Variants in EGF observed in about 807,000 individuals in gnomAD.
EGF encodes the protein pro-epidermal growth factor.
Under a neutral mutation model 143.8 loss-of-function variants are expected in EGF, and 95 were observed. The ratio of observed to expected loss-of-function variants is 0.66; its 90% CI spans 0.56 to 0.78. The LOEUF is 0.78. Ranked by LOEUF, EGF falls within the 30% of genes least tolerant of loss-of-function variation. The probability of loss-of-function intolerance (pLI) is 0.00; values close to 1 mark genes in which losing one functional copy is unlikely to be tolerated. For missense variants in EGF, 1,320 were observed against 1,470.9 expected (o/e 0.90, Z 1.68); for synonymous variants, 510 against 510.5 (o/e 1.00, Z 0.01).
intron 3 of EGF, among the ~76,000 whole-genome samples, 196 bp from the exon 4 acceptor site, chr4:109,943,646 C>CT (rs781292833): frequency 3.3e-5 from 5 of 152,104 alleles, no homozygotes; most frequent in Non-Finnish European, 2.9e-5. Flanking sequence ...TGGTTTTCTG[C>CT]TATAGAGGCA....
At chr4:109,988,734 G>A (rs773819760) in intron 18 of EGF, 25 bp downstream of exon 18, 4 of 1,613,204 alleles carry the variant, frequency 2.5e-6, no homozygotes, top group Non-Finnish European at 3.4e-6. Context: ...GTGCTGGGGA[G>A]GAGGGCAGAG....
intron 21 of EGF, among the ~76,000 whole-genome samples, chr4:110,002,803 G>C (rs949592952): frequency 6.6e-6 from 1 of 152,070 alleles, no homozygotes; most frequent in Non-Finnish European, 1.5e-5. Flanking sequence ...TTCTGCTCCT[G>C]TTCCTCCTCC....
At chr4:109,976,555 C>T (rs1161059051) in intron 13 of EGF, among the ~76,000 whole-genome samples, 1 of 152,158 alleles carries the variant, frequency 6.6e-6, no homozygotes, top group Non-Finnish European at 1.5e-5. Flanking sequence ...AGTTGTTTCA[C>T]AACAGTGATA....
chr4:109,963,342 T>A (rs556603989), intron 9 of EGF, 44 bp downstream of exon 9: 7 of 1,613,300 alleles, frequency 4.3e-6, no homozygotes, highest in Non-Finnish European at 5.9e-6. Flanking sequence ...GAAAAAAAAT[T>A]CATGAAAATC....
intron 1 of EGF, among the ~76,000 whole-genome samples, chr4:109,928,258 A>G (rs1388030446): frequency 3.3e-5 from 5 of 152,240 alleles, no homozygotes; most frequent in Non-Finnish European, 5.9e-5. Flanking sequence ...ATAAACATCA[A>G]TCAATACATG....
At position 109,980,095 on chromosome 4, in the gene EGF, T is replaced by TG. The variant is rs1161774369; in HGVS notation, c.2178dup (p.Lys727GlufsTer27). On this transcript the variant is annotated frameshift_variant, in exon 14 of 24. Coordinates refer to ENST00000265171, the MANE Select transcript of EGF (RefSeq NM_001963.6). LOFTEE classifies it high-confidence loss of function. The stretch of plus-strand genomic sequence containing the variant: ...AGAGTACGTCTCCAAGGCAGCATGC[T>TG]GAAGCCCTCATCACTGGTTGTGGTT... The TG allele has an allele frequency of 6.2e-7, 1 of 1,613,572 alleles. No homozygotes were observed. Among genetic ancestry groups the TG allele is most frequent in the African/African-American group, 1.3e-5 (1 of 75,038 alleles).
At chr4:109,926,843 G>A (rs1738763210) in intron 1 of EGF, among the ~76,000 whole-genome samples, 1 of 152,180 alleles carries the variant, frequency 6.6e-6, no homozygotes, top group African/African-American at 2.4e-5. Context: ...CTAATTATAA[G>A]AAATTTGTGT....
intron 15 of EGF, among the ~76,000 whole-genome samples, chr4:109,981,746 C>T (rs1749395796): frequency 6.6e-6 from 1 of 152,080 alleles, no homozygotes; most frequent in Non-Finnish European, 1.5e-5. Context: ...AGTTTCAGCT[C>T]ACAATTCAAA....
chr4:109,957,377 A>G (rs1744960929), intron 5 of EGF, among the ~76,000 whole-genome samples: 1 of 152,248 alleles, frequency 6.6e-6, no homozygotes, highest in Admixed American at 6.5e-5. Context: ...TTACGAGGAA[A>G]GTAACCTGAA....
chr4:109,961,226 C>T lies in EGF; in HGVS notation c.1189+237C>T, dbSNP rs547448579. Reference sequence around the variant, plus strand: ...AAAAACTTAGCCAGGCATGTTGGCCCATGCCAGTGGTCCCAGCTACTGAGG... The same window carrying T: ...AAAAACTTAGCCAGGCATGTTGGCCTATGCCAGTGGTCCCAGCTACTGAGG... On this transcript the variant is annotated intron_variant, in intron 7 of 23. Coordinates refer to ENST00000265171, the MANE Select transcript of EGF (RefSeq NM_001963.6). 3.3e-5 allele frequency among the ~76,000 whole-genome samples: 5 copies of T among 152,120 alleles called. No homozygotes were observed. The East Asian group carries it at 7.7e-4, about 24-fold the overall frequency.
At chr4:110,010,199 C>A (rs1476546443) in intron 23 of EGF, among the ~76,000 whole-genome samples, 1 of 151,992 alleles carries the variant, frequency 6.6e-6, no homozygotes, top group Admixed American at 6.5e-5. Context: ...ATGGAGGTTG[C>A]AGTGAGCTGA....
chr4:109,936,640 C>T (rs765106109), intron 1 of EGF, among the ~76,000 whole-genome samples: 18 of 152,072 alleles, frequency 1.2e-4, no homozygotes, highest in Non-Finnish European at 2.5e-4. Flanking sequence ...GTTAAGGTGT[C>T]GATTTTGGAT....
intron 1 of EGF, among the ~76,000 whole-genome samples, chr4:109,924,832 A>G (rs905159392): frequency 3.3e-5 from 5 of 152,210 alleles, no homozygotes; most frequent in African/African-American, 1.2e-4. Flanking sequence ...TCTGACCAAA[A>G]AAAGTTAAAA....
rs746246476 is a variant in EGF, at chr4:109,988,683, A to G, written c.2708A>G (p.Tyr903Cys). The G allele has an allele frequency of 1.4e-5, 22 of 1,614,036 alleles. No homozygotes were observed. Among genetic ancestry groups the G allele is most frequent in the Non-Finnish European group, 1.4e-5 (16 of 1,179,926 alleles). The change falls in exon 18 of 24, where the codon TAC becomes TGC. Residue 903 changes from tyrosine to cysteine, a missense_variant. Physicochemically the swap from Tyr to Cys is radical, Grantham distance 194 (BLOSUM62 -2). Around this residue, in one of 5 missense-constraint regions of EGF, gnomAD observed 1,186 missense variants for 1,313.7 expected, o/e 0.90. Transcript: ENST00000265171. ...TATGTCTGCCGGTGCTCAGAAGGCT[A>G]CCAAGGAGATGGGATTCACTGTCTT... ...GGYVCRCSEG[Y>C]QGDGIHCLDI...
intron 1 of EGF, among the ~76,000 whole-genome samples, chr4:109,925,421 C>T (rs1738465666): frequency 6.6e-6 from 1 of 152,204 alleles, no homozygotes; most frequent in African/African-American, 2.4e-5. Context: ...ATGTGTCAGA[C>T]AAGATTCTAA....
At chr4:109,945,321 C>G in intron 5 of EGF, 46 bp downstream of exon 5, 1 of 1,577,030 alleles carries the variant, frequency 6.3e-7, no homozygotes, top group East Asian at 2.2e-5. Context: ...ATAGTTCCCA[C>G]CCATTCACCT....
intron 1 of EGF, among the ~76,000 whole-genome samples, chr4:109,921,355 T>C (rs1381360231): frequency 1.3e-5 from 2 of 151,150 alleles, no homozygotes; most frequent in Admixed American, 6.6e-5. Flanking sequence ...TGTGAGCATC[T>C]GTTTTTTTTT....
In EGF at chr4:109,993,472, C is replaced by G. The variant is rs11569079; in HGVS notation, c.2857+103C>G. 19,073 of 1,532,224 alleles carry G rather than the reference C, an allele frequency of 0.012. 166 individuals are homozygous for G. Among genetic ancestry groups the G allele is most frequent in the Non-Finnish European group, 0.015 (17,365 of 1,123,908 alleles). 94.9% of individuals were successfully genotyped at this position (1,532,224 alleles called of 1,614,324 possible). ...TAGAGATTCTAAAAATCATTCAGTTCAGGCAGGCTGCAGAGCTGGCTTTCC... is the reference window on the plus strand; with the variant it reads ...TAGAGATTCTAAAAATCATTCAGTTGAGGCAGGCTGCAGAGCTGGCTTTCC... On this transcript the variant is annotated intron_variant, in intron 19 of 23. Transcript: ENST00000265171.
Position 109,913,157 on chromosome 4 carries a change from G to T in EGF, c.-179G>T, listed in dbSNP as rs1426522621. On this transcript the variant is annotated 5_prime_UTR_variant, in exon 1 of 24. Transcript: ENST00000265171. Reference sequence around the variant, plus strand: ...TCCCTTGGCAGGCTGCATTCAGAAGGTCTCTCAGTTGAAGAAAGAGCTTGG... The same window carrying T: ...TCCCTTGGCAGGCTGCATTCAGAAGTTCTCTCAGTTGAAGAAAGAGCTTGG... 2 of 651,554 alleles carry T rather than the reference G, an allele frequency of 3.1e-6. No homozygotes were observed. Among genetic ancestry groups the T allele is most frequent in the African/African-American group, 1.8e-5 (1 of 54,906 alleles). 40.4% of individuals were successfully genotyped at this position (651,554 alleles called of 1,614,324 possible).
Sources: gnomAD v4.1 joint callset for allele counts (sites outside exome capture counted in the v4.1 genomes callset) on GRCh38, gnomAD v4.1.1 for gene constraint, gnomAD v4.1.1 regional missense constraint, MANE v1.5 for transcripts, NCBI Gene and HGNC (gene_info 2026-07-23, HGNC 2026-07-21) for gene names.